Variants in TCF4 observed in about 807,000 individuals in gnomAD.
TCF4 encodes SL3-3 enhancer factor 2.
In TCF4, 3 loss-of-function variants were observed where a neutral mutation model predicts 82.1. The observed-to-expected ratio is 0.04, with a 90% CI of 0.02 to 0.09. The LOEUF is 0.09. Among genes scored for constraint, TCF4 ranks in the 10% least tolerant of loss-of-function variants. TCF4 has a pLI of 1.00. For missense variants in TCF4, 518 were observed against 852.7 expected (o/e 0.61, Z 4.89); for synonymous variants, 276 against 309.6 (o/e 0.89, Z 1.14).
At chr18:55,331,739 T>G (rs2077606591) in intron 8 of TCF4, among the ~76,000 whole-genome samples, 1 of 152,238 alleles carries the variant, frequency 6.6e-6, no homozygotes, top group South Asian at 2.1e-4. Flanking sequence ...CCTGTTCCCC[T>G]AGTTTCCAAA....
chr18:55,419,520 T>C (rs1030182565), intron 5 of TCF4, among the ~76,000 whole-genome samples: 3 of 152,196 alleles, frequency 2.0e-5, no homozygotes, highest in Non-Finnish European at 1.5e-5. Flanking sequence ...ATCTTAATCA[T>C]AAAGCAAAAC....
chr18:55,401,572 C>T lies in TCF4; in HGVS notation c.369+1882G>A, dbSNP rs1014154826. Reference sequence around the variant, plus strand: ...CTCTTCCACCCTCTGCCCCTTTCCACTTCTCACCTTGTGTTTGGAAAAAAA... The same window carrying T: ...CTCTTCCACCCTCTGCCCCTTTCCATTTCTCACCTTGTGTTTGGAAAAAAA... On this transcript the variant is annotated intron_variant, in intron 6 of 19. Transcript: ENST00000354452. 1.4e-5 allele frequency: 14 copies of T among 987,632 alleles called. No individual in the cohort carries two copies. The South Asian group carries it at 5.6e-4, about 39-fold the overall frequency. The allele number at this position is 987,632 out of a possible 1,614,324, so 61.2% of individuals were successfully genotyped here.
Position 55,514,785 on chromosome 18 carries a change from T to G in TCF4, c.146-50648A>C, listed in dbSNP as rs557259255. ...AGGAGCACACGTAAAAATATATGGATGCACAAAGCAATTGATGTATATTAT... is the reference window on the plus strand; with the variant it reads ...AGGAGCACACGTAAAAATATATGGAGGCACAAAGCAATTGATGTATATTAT... On this transcript the variant is annotated intron_variant, in intron 3 of 19. Coordinates refer to ENST00000354452, the MANE Select transcript of TCF4 (RefSeq NM_001083962.2). 2.0e-5 allele frequency among the ~76,000 whole-genome samples: 3 copies of G among 152,260 alleles called. No individual in the cohort carries two copies. The South Asian group carries it at 6.2e-4, about 32-fold the overall frequency.
chr18:55,476,244 G>T (rs1484749559), intron 3 of TCF4, among the ~76,000 whole-genome samples: 1 of 151,998 alleles, frequency 6.6e-6, no homozygotes, highest in African/African-American at 2.4e-5. Context: ...ACTTTTAAAA[G>T]AATATATTCC....
intron 6 of TCF4, chr18:55,401,065 TG>T: frequency 7.8e-7 from 1 of 1,289,084 alleles, no homozygotes; most frequent in Non-Finnish European, 1.0e-6. Flanking sequence ...CCCAAGATAC[TG>T]AGATTTTGCC....
intron 3 of TCF4, among the ~76,000 whole-genome samples, chr18:55,580,032 C>A (rs908461452): frequency 1.3e-5 from 2 of 151,954 alleles, no homozygotes; most frequent in African/African-American, 2.4e-5. Context: ...GTGATTTCCT[C>A]ATTACAATAG....
At chr18:55,529,049 G>A (rs2097026971) in intron 3 of TCF4, among the ~76,000 whole-genome samples, 1 of 152,094 alleles carries the variant, frequency 6.6e-6, no homozygotes, top group African/African-American at 2.4e-5. Context: ...ATGGTGGCAG[G>A]TGCCTGTAAT....
chr18:55,303,373 C>T (rs2069038077), intron 8 of TCF4, among the ~76,000 whole-genome samples: 1 of 152,016 alleles, frequency 6.6e-6, no homozygotes, highest in Admixed American at 6.6e-5. Context: ...AGGATTATCA[C>T]CTCCAATTAA....
chr18:55,567,784 C>T (rs1479527114), intron 3 of TCF4, among the ~76,000 whole-genome samples: 2 of 151,436 alleles, frequency 1.3e-5, no homozygotes, highest in Non-Finnish European at 1.5e-5. Context: ...TCATAGAGTA[C>T]ACATTCTTCT....
intron 11 of TCF4, chr18:55,269,159 T>C (rs60882518): frequency 0.058 from 8,860 of 153,004 alleles, 484 homozygotes; most frequent in East Asian, 0.25. Context: ...GATGGCTCAG[T>C]TCATGGGAAC....
chr18:55,629,617 T>C (rs562016168), intron 2 of TCF4, among the ~76,000 whole-genome samples: 2 of 152,324 alleles, frequency 1.3e-5, no homozygotes, highest in East Asian at 3.9e-4. Context: ...GCAGCTGCTA[T>C]AAAACTGGAT....
At chr18:55,602,535 G>C (rs2097698196) in intron 2 of TCF4, among the ~76,000 whole-genome samples, 1 of 152,170 alleles carries the variant, frequency 6.6e-6, no homozygotes, top group Admixed American at 6.5e-5. Flanking sequence ...GTGATTATTA[G>C]ATAGATGACT....
intron 3 of TCF4, among the ~76,000 whole-genome samples, chr18:55,517,089 C>T (rs1325446201): frequency 6.6e-6 from 1 of 152,128 alleles, no homozygotes; most frequent in East Asian, 1.9e-4. Flanking sequence ...TTGTGGGAAA[C>T]GGTTATAATA....
At chr18:55,228,431 T>C in intron 18 of TCF4, 70 bp from the exon 19 acceptor site, 4 of 1,590,036 alleles carry the variant, frequency 2.5e-6, no homozygotes, top group Non-Finnish European at 1.7e-6. Flanking sequence ...CAATGCACTC[T>C]TCTTGCGTGT....
intron 5 of TCF4, among the ~76,000 whole-genome samples, chr18:55,425,893 C>T (rs1005397920): frequency 1.3e-5 from 2 of 152,174 alleles, no homozygotes; most frequent in African/African-American, 2.4e-5. Flanking sequence ...CTCAATCGCT[C>T]TGCTCAGTGC....
At chr18:55,316,676 C>G (rs1302366512) in intron 8 of TCF4, among the ~76,000 whole-genome samples, 1 of 151,992 alleles carries the variant, frequency 6.6e-6, no homozygotes, top group Non-Finnish European at 1.5e-5. Context: ...TATAGTGGAA[C>G]AGGAAACAAA....
intron 5 of TCF4, chr18:55,404,036 G>A (rs1279831936): frequency 8.6e-7 from 1 of 1,168,056 alleles, no homozygotes; most frequent in Non-Finnish European, 1.1e-6. Flanking sequence ...TTTCCCAGGA[G>A]TGAACCCCAT....
chr18:55,403,823 A>T (rs1377201600), intron 5 of TCF4: 1 of 1,495,850 alleles, frequency 6.7e-7, no homozygotes, highest in Admixed American at 2.2e-5. Flanking sequence ...TCTCTTGCAC[A>T]AAATTTAAAC....
At chr18:55,589,752 G>A (rs1319685121), upstream of TCF4, 3 of 1,017,584 alleles carry the variant, frequency 2.9e-6, no homozygotes, top group East Asian at 2.0e-4. Flanking sequence ...ATAATAATAG[G>A]TTTCCCTGAA....
Sources: allele counts gnomAD v4.1 joint callset (sites outside exome capture counted in the v4.1 genomes callset), GRCh38; gene constraint gnomAD v4.1.1; transcripts MANE v1.5; gene names NCBI Gene and HGNC (gene_info 2026-07-23, HGNC 2026-07-21).